The following USO1 variants were observed in gnomAD, a reference collection of about 807,000 sequenced individuals.
USO1 encodes general vesicular transport factor p115.
USO1 carries 57 observed loss-of-function variants against 124.5 expected under a neutral mutation model. The ratio of observed to expected loss-of-function variants is 0.46; its 90% CI spans 0.37 to 0.57. The LOEUF (loss-of-function observed/expected upper bound fraction) is 0.57. Ranked by LOEUF, USO1 falls within the 20% of genes least tolerant of loss-of-function variation. USO1 has a pLI of 0.00. For missense variants in USO1, 900 were observed against 1,040.6 expected (o/e 0.86, Z 1.86); for synonymous variants, 369 against 362.8 (o/e 1.02, Z -0.19).
At chr4:75,784,749 C>G (rs1226883517) in intron 9 of USO1, among the ~76,000 whole-genome samples, 1 of 151,652 alleles carries the variant, frequency 6.6e-6, no homozygotes, top group Non-Finnish European at 1.5e-5. Flanking sequence ...CATAATCACG[C>G]CACGCACTCC....
At position 75,774,716 on chromosome 4, in the gene USO1, C is replaced by G. The variant is rs1372991667; in HGVS notation, c.596C>G (p.Ala199Gly). The change falls in exon 8 of 24, where the codon GCA becomes GGA. Residue 199 changes from alanine to glycine, a missense_variant. Physicochemically the swap from Ala to Gly is moderately conservative, Grantham distance 60. Around this residue, in one of 2 missense-constraint regions of USO1, gnomAD observed 538 missense variants for 681.6 expected, o/e 0.79. Transcript: ENST00000514213. The part of the protein sequence containing the change: ...LLQALTRSNG[A>G]IQKIVAFENA... ...CAGGCACTAACAAGAAGCAATGGTG[C>G]AATCCAGAAAATTGTTGCTTTTGAA... 1 of 1,613,620 alleles carries G rather than the reference C, an allele frequency of 6.2e-7. No homozygotes were observed. Among genetic ancestry groups the G allele is most frequent in the Non-Finnish European group, 8.5e-7 (1 of 1,179,694 alleles).
At chr4:75,810,162 C>G (rs534333232) in intron 21 of USO1, among the ~76,000 whole-genome samples, 1 of 152,172 alleles carries the variant, frequency 6.6e-6, no homozygotes, top group Non-Finnish European at 1.5e-5. Flanking sequence ...TACATTAGAG[C>G]TGCCTTGCTG....
intron 1 of USO1, among the ~76,000 whole-genome samples, chr4:75,745,893 C>T (rs190871478): frequency 1.3e-5 from 2 of 152,006 alleles, no homozygotes; most frequent in African/African-American, 4.8e-5. Context: ...GAGTGAGACT[C>T]CGTGTCAAAT....
intron 3 of USO1, chr4:75,755,535 CTCGTTTTCAGTT>C: frequency 1.9e-6 from 1 of 514,228 alleles, no homozygotes; most frequent in Non-Finnish European, 3.9e-6. Flanking sequence ...ATCTCGTAGA[CTCGTTTTCAGTT>C]ATATTTCAGT....
At chr4:75,786,403 A>G (rs1308118361) in intron 9 of USO1, among the ~76,000 whole-genome samples, 1 of 152,194 alleles carries the variant, frequency 6.6e-6, no homozygotes, top group Non-Finnish European at 1.5e-5. Flanking sequence ...ATATATACAC[A>G]TAACTCTAGT....
chr4:75,810,224 G>A (rs977745977), intron 21 of USO1, among the ~76,000 whole-genome samples: 4 of 152,126 alleles, frequency 2.6e-5, no homozygotes, highest in Non-Finnish European at 4.4e-5. Context: ...AGCCTTCCTC[G>A]TACTCTTATG....
In USO1 at chr4:75,724,596, C is replaced by A. The variant is rs907874980; in HGVS notation, c.-224C>A. 7 of 561,704 alleles carry A rather than the reference C, an allele frequency of 1.2e-5. No homozygotes were observed. In the Admixed American group the frequency reaches 1.7e-4, roughly 13 times the overall value. 34.8% of individuals were successfully genotyped at this position (561,704 alleles called of 1,614,324 possible). On this transcript the variant is annotated 5_prime_UTR_variant, in exon 1 of 24. Coordinates refer to ENST00000514213, the MANE Select transcript of USO1 (RefSeq NM_003715.4). ...CCGCTCCCCTTTTGCCTTCAACCTT[C>A]GAGCCGCCACGTAATGCCACGTCCC...
At chr4:75,794,525 T>G (rs324740) in intron 13 of USO1, among the ~76,000 whole-genome samples, 1 of 152,038 alleles carries the variant, frequency 6.6e-6, no homozygotes, top group Non-Finnish European at 1.5e-5. Flanking sequence ...CTTTTTGTTA[T>G]GTGATTTCCC....
chr4:75,729,133 T>C (rs1165185435), intron 1 of USO1, among the ~76,000 whole-genome samples: 1 of 152,140 alleles, frequency 6.6e-6, no homozygotes, highest in Non-Finnish European at 1.5e-5. Context: ...TTCTCTTTTT[T>C]ACTTGACACT....
chr4:75,732,680 C>T (rs1577922274), intron 1 of USO1, among the ~76,000 whole-genome samples: 1 of 151,310 alleles, frequency 6.6e-6, no homozygotes, highest in East Asian at 2.0e-4. Context: ...AGATCAAGAC[C>T]ATCCTGGCCA....
At chr4:75,744,811 A>T in intron 1 of USO1, 1 of 347,680 alleles carries the variant, frequency 2.9e-6, no homozygotes, top group Non-Finnish European at 5.7e-6. Context: ...GAAAAGTAAA[A>T]GGCCCCCATG....
chr4:75,798,926 G>A (rs1722765303), intron 13 of USO1, among the ~76,000 whole-genome samples: 2 of 152,052 alleles, frequency 1.3e-5, no homozygotes, highest in South Asian at 4.1e-4. Flanking sequence ...AGATGTAAAT[G>A]TGTTGTATTA....
At chr4:75,751,568 T>C (rs1425259765) in intron 1 of USO1, among the ~76,000 whole-genome samples, 2 of 146,528 alleles carry the variant, frequency 1.4e-5, no homozygotes, top group Admixed American at 6.8e-5. Context: ...CAGTGGCTCA[T>C]GCCTGTAATC....
intron 12 of USO1, among the ~76,000 whole-genome samples, chr4:75,793,020 C>G (rs981781082): frequency 2.6e-5 from 4 of 152,014 alleles, no homozygotes; most frequent in Non-Finnish European, 1.5e-5. Context: ...ACATACCTGG[C>G]TTATTTCACT....
intron 1 of USO1, among the ~76,000 whole-genome samples, chr4:75,732,287 G>A (rs565335012): frequency 1.3e-5 from 2 of 152,182 alleles, no homozygotes; most frequent in South Asian, 2.1e-4. Context: ...ATATTAATTC[G>A]CTTAGGATAA....
chr4:75,788,676 G>A (rs2149180036), intron 10 of USO1, among the ~76,000 whole-genome samples: 1 of 151,506 alleles, frequency 6.6e-6, no homozygotes, highest in South Asian at 2.1e-4. Flanking sequence ...CAGAGTAGCT[G>A]GGATTACAGG....
At chr4:75,799,475 T>A in intron 13 of USO1, 147 bp from the exon 14 acceptor site, 1 of 836,354 alleles carries the variant, frequency 1.2e-6, no homozygotes, top group Non-Finnish European at 1.8e-6. Context: ...TTTATTCTCT[T>A]GTTTAGTTTT....
chr4:75,756,304 T>C (rs1721440854), intron 3 of USO1, among the ~76,000 whole-genome samples: 1 of 151,858 alleles, frequency 6.6e-6, no homozygotes, highest in Admixed American at 6.6e-5. Flanking sequence ...AGAATGTGGG[T>C]GGCCTTTAGA....
At position 75,790,772 on chromosome 4, in the gene USO1, A is replaced by G; in HGVS notation, c.1215A>G (p.Ser405=). The change falls in exon 12 of 24, where the codon TCA becomes TCG. Residue 405 remains serine (S), a synonymous_variant. Transcript: ENST00000514213. ...AAAAAGGACAAGGAGAAATCGTGTC[A>G]ACACTTTTACCTTCTACCATTGATG... is the stretch of plus-strand genomic sequence containing the variant. ...KNQKGQGEIV[S]TLLPSTIDAT... 6.2e-7 allele frequency: 1 copy of G among 1,610,070 alleles called. No individual in the cohort carries two copies. The highest frequency in any genetic ancestry group is 1.3e-5 in the African/African-American group (1 of 74,968).
Sources: gnomAD v4.1 joint callset for allele counts (sites outside exome capture counted in the v4.1 genomes callset) on GRCh38, gnomAD v4.1.1 for gene constraint, gnomAD v4.1.1 regional missense constraint, MANE v1.5 for transcripts, NCBI Gene and HGNC (gene_info 2026-07-23, HGNC 2026-07-21) for gene names.